OR1J2: variants seen among roughly 807,000 people sequenced by gnomAD.
The protein encoded by OR1J2 is olfactory receptor family 1 subfamily J member 2.
For synonymous variants in OR1J2, 142 were observed against 99.7 expected, an observed-to-expected ratio of 1.42 and a Z score of -2.52; for missense variants, 304 against 246.1, an observed-to-expected ratio of 1.24 and a Z score of -1.57.
At position 122,511,089 on chromosome 9, in the gene OR1J2, A is replaced by C. The variant is rs149303917; in HGVS notation, c.288A>C (p.Glu96Asp). The change falls in exon 1 of 1, where the codon GAA becomes GAC. Residue 96 changes from glutamate (E) to aspartate (D), a missense_variant. By Grantham distance (45) the Glu-to-Asp change is conservative (BLOSUM62 2). Transcript: ENST00000335302. ...AGTACAAATCGATCCTCTATGAGGA[A>C]TGCATTTCTCAGATGTATTTTTTTA... is the stretch of plus-strand genomic sequence containing the variant. ...RTKYKSILYE[E>D]CISQMYFFIF... 19 of 1,140,550 alleles carry C rather than the reference A, an allele frequency of 1.7e-5. No individual in the cohort carries two copies. The African/African-American group carries it at 2.9e-4, about 18-fold the overall frequency. 70.7% of individuals were successfully genotyped at this position (1,140,550 alleles called of 1,614,324 possible).
the OR1J2 span, among the ~76,000 whole-genome samples, chr9:122,502,972 T>C: frequency 6.6e-6 from 1 of 152,328 alleles, no homozygotes; most frequent in Admixed American, 6.5e-5. Context: ...AAAGAACATA[T>C]TGCATCTTGA....
At chr9:122,448,707 A>G in the OR1J2 span, among the ~76,000 whole-genome samples, 7 of 152,314 alleles carry the variant, frequency 4.6e-5, 1 homozygote, top group South Asian at 1.4e-3. Flanking sequence ...GCCTGTAAAC[A>G]TACTGTTAAC....
the OR1J2 span, among the ~76,000 whole-genome samples, chr9:122,545,226 TTA>T: frequency 2.7e-5 from 4 of 149,852 alleles, no homozygotes; most frequent in South Asian, 4.6e-4. Context: ...TTATTAACAT[TTA>T]TTTTATGGCC....
At chr9:122,549,003 T>C in the OR1J2 span, among the ~76,000 whole-genome samples, 1 of 152,140 alleles carries the variant, frequency 6.6e-6, no homozygotes, top group Admixed American at 6.6e-5. Flanking sequence ...TCTGTCTTTG[T>C]TGCCTGTGCT....
At chr9:122,477,764 G>A in the OR1J2 span, 1 of 1,614,096 alleles carries the variant, frequency 6.2e-7, no homozygotes, top group East Asian at 2.2e-5. Context: ...GGGGTGTGAA[G>A]GTGAGAGTCT....
At chr9:122,455,694 A>G in the OR1J2 span, among the ~76,000 whole-genome samples, 1 of 152,212 alleles carries the variant, frequency 6.6e-6, no homozygotes, top group Non-Finnish European at 1.5e-5. Context: ...TGATATAAAA[A>G]AGATTTTAAT....
At chr9:122,554,927 G>A in the OR1J2 span, among the ~76,000 whole-genome samples, 1 of 152,006 alleles carries the variant, frequency 6.6e-6, no homozygotes, top group Non-Finnish European at 1.5e-5. Context: ...AATCAAAAAT[G>A]ATAAATCAAG....
chr9:122,484,862 G>A, the OR1J2 span, among the ~76,000 whole-genome samples: 4 of 147,208 alleles, frequency 2.7e-5, no homozygotes, highest in African/African-American at 1.0e-4. Context: ...GTGAGACCCT[G>A]TGTCTACCAA....
chr9:122,519,072 A>G, the OR1J2 span: 1 of 1,081,124 alleles, frequency 9.2e-7, no homozygotes, highest in East Asian at 2.4e-5. Flanking sequence ...CTGCTGCTGT[A>G]AATCAACATT....
At chr9:122,553,189 G>A in the OR1J2 span, 41 of 1,610,360 alleles carry the variant, frequency 2.5e-5, no homozygotes, top group Middle Eastern at 1.7e-4. Flanking sequence ...TTTTATCTGC[G>A]CAGATCACAC....
chr9:122,485,637 G>A, the OR1J2 span, among the ~76,000 whole-genome samples: 1 of 152,208 alleles, frequency 6.6e-6, no homozygotes, highest in East Asian at 1.9e-4. Flanking sequence ...TTCAAGTTAA[G>A]TTTTCCTGGG....
At chr9:122,475,649 A>C in the OR1J2 span, 3 of 152,140 alleles carry the variant, frequency 2.0e-5, no homozygotes, top group African/African-American at 4.8e-5. Flanking sequence ...CAATATCTTC[A>C]TTTTGTGTGT....
At chr9:122,534,160 G>T in the OR1J2 span, among the ~76,000 whole-genome samples, 19 of 152,214 alleles carry the variant, frequency 1.2e-4, no homozygotes, top group African/African-American at 3.1e-4. Context: ...GCGTTTGGAA[G>T]TTCTTGTGTG....
chr9:122,481,968 C>T, the OR1J2 span, among the ~76,000 whole-genome samples: 1 of 151,862 alleles, frequency 6.6e-6, no homozygotes, highest in Non-Finnish European at 1.5e-5. Flanking sequence ...ATTTTTTTGA[C>T]AAGAGCTCAA....
At chr9:122,562,523 G>A in the OR1J2 span, among the ~76,000 whole-genome samples, 1 of 152,204 alleles carries the variant, frequency 6.6e-6, no homozygotes, top group Admixed American at 6.5e-5. Context: ...CCCAGGCTGG[G>A]TAGCACGCTC....
the OR1J2 span, among the ~76,000 whole-genome samples, chr9:122,505,154 G>A: frequency 6.6e-6 from 1 of 152,116 alleles, no homozygotes; most frequent in Non-Finnish European, 1.5e-5. Flanking sequence ...AGCTCTCTCA[G>A]TCTGTTATCT....
the OR1J2 span, among the ~76,000 whole-genome samples, chr9:122,518,468 C>A: frequency 6.6e-6 from 1 of 152,222 alleles, no homozygotes; most frequent in East Asian, 1.9e-4. Context: ...CCTCACATGG[C>A]AATGCCAGAG....
chr9:122,568,339 T>G, the OR1J2 span: 1 of 1,614,024 alleles, frequency 6.2e-7, no homozygotes, highest in Non-Finnish European at 8.5e-7. Context: ...ATGGCCAGGA[T>G]GATGAGCAGG....
the OR1J2 span, among the ~76,000 whole-genome samples, chr9:122,532,877 TG>T: frequency 2.6e-5 from 4 of 152,050 alleles, no homozygotes; most frequent in African/African-American, 4.8e-5. Context: ...GATTGAGGTT[TG>T]GGAGATTAGT....
Sources: gnomAD v4.1 joint callset for allele counts (sites outside exome capture counted in the v4.1 genomes callset) on GRCh38, gnomAD v4.1.1 for gene constraint, MANE v1.5 for transcripts, NCBI Gene and HGNC (gene_info 2026-07-23, HGNC 2026-07-21) for gene names.